The following ACLY variants were observed in gnomAD, a reference collection of about 807,000 sequenced individuals.
ACLY encodes ATP-citrate synthase.
In ACLY, 41 loss-of-function variants were observed where a neutral mutation model predicts 133.0. The observed-to-expected ratio is 0.31, with a 90% CI of 0.24 to 0.40. The LOEUF (loss-of-function observed/expected upper bound fraction) is 0.40. Ranked by LOEUF, ACLY falls within the 10% of genes least tolerant of loss-of-function variation. The probability of loss-of-function intolerance (pLI) is 1.00; values close to 1 mark genes in which losing one functional copy is unlikely to be tolerated. For missense variants in ACLY, 1,046 were observed against 1,453.8 expected (o/e 0.72, Z 4.56); for synonymous variants, 495 against 549.3 (o/e 0.90, Z 1.38).
In ACLY at chr17:41,905,617, T is replaced by G. The variant is rs1598029584; in HGVS notation, c.908A>C (p.Asn303Thr). ...GGGGGCGCCTGAGTACTCCCCATAG[T>G]TTGCCAGCTCGTTGACACCCCCTAG... ...CDLGGVNELANYGEYSGAPSE... is the reference protein window; with the variant it reads ...CDLGGVNELATYGEYSGAPSE... Residue 303 changes from asparagine to threonine, a missense_variant, in exon 9 of 29, where the codon AAC (asparagine) becomes ACC (threonine). By Grantham distance (65) the Asn-to-Thr change is moderately conservative. Around this residue, in one of 4 missense-constraint regions of ACLY, gnomAD observed 575 missense variants for 804.2 expected, o/e 0.71. Transcript: ENST00000352035. 9.9e-6 allele frequency: 16 copies of G among 1,614,068 alleles called. No homozygotes were observed. In the East Asian group the frequency reaches 3.6e-4, roughly 36 times the overall value.
intron 17 of ACLY, among the ~76,000 whole-genome samples, chr17:41,886,810 A>C (rs2049058289): frequency 6.6e-6 from 1 of 152,078 alleles, no homozygotes; most frequent in Non-Finnish European, 1.5e-5. Context: ...TTCTTAAAAA[A>C]ACAAACAAAA....
intron 12 of ACLY, 38 bp from the exon 13 acceptor site, chr17:41,897,877 T>A (rs879960705): frequency 5.7e-6 from 9 of 1,573,662 alleles, no homozygotes; most frequent in Non-Finnish European, 7.8e-6. Context: ...GAGGTAAGAG[T>A]CACACCTGGG....
At chr17:41,896,778 C>A in intron 13 of ACLY, 129 bp from the exon 14 acceptor site, 1 of 731,746 alleles carries the variant, frequency 1.4e-6, no homozygotes, top group South Asian at 2.7e-5. Context: ...TCATCCCTCT[C>A]CTGTTCTGCA....
upstream of ACLY, among the ~76,000 whole-genome samples, chr17:41,920,590 C>CA (rs57800581): frequency 0.02 from 1,457 of 73,774 alleles, 15 homozygotes; most frequent in African/African-American, 0.037. Flanking sequence ...GATTCTATCT[C>CA]AAAAAAAAAA....
rs782062511 is a variant in ACLY, at chr17:41,909,071, A to G, written c.537-3T>C. On this transcript the variant is annotated splice_region_variant and splice_polypyrimidine_tract_variant and intron_variant, in intron 5 of 28. Coordinates refer to ENST00000352035, the MANE Select transcript of ACLY (RefSeq NM_001096.3). ...CGGAGATAAAACTGGCCAGAATTCT[A>G]GAGGTGGGAGGGAGAGAGGGACAGT... 6.2e-7 allele frequency: 1 copy of G among 1,609,996 alleles called. No homozygotes were observed. The highest frequency in any genetic ancestry group is 8.5e-7 in the Non-Finnish European group (1 of 1,178,304).
Position 41,883,040 on chromosome 17 carries a change from T to C in ACLY, c.2265+82A>G, listed in dbSNP as rs2048961148. The C allele has an allele frequency of 3.4e-5, 40 of 1,164,806 alleles. No individual in the cohort carries two copies. In the South Asian group the frequency reaches 5.4e-4, roughly 16 times the overall value. 72.2% of individuals were successfully genotyped at this position (1,164,806 alleles called of 1,614,324 possible). ...CTTGAAGGAACTAGCTGCGAATTAA[T>C]AAGATGATTACCTGGTTCGCCTCAA... On this transcript the variant is annotated intron_variant, in intron 20 of 28. Coordinates refer to ENST00000352035, the MANE Select transcript of ACLY (RefSeq NM_001096.3).
At position 41,912,523 on chromosome 17, in the gene ACLY, T is replaced by C; in HGVS notation, c.179A>G (p.Asp60Gly). Residue 60 changes from aspartate to glycine, a missense_variant, in exon 3 of 29, where the codon GAC (aspartate) becomes GGC (glycine). By Grantham distance (94) the Asp-to-Gly change is moderately conservative. Coordinates refer to ENST00000352035, the MANE Select transcript of ACLY (RefSeq NM_001096.3). ...TTTTCCACGACGTTTGATCAGCTGG[T>C]CTGGCTTGACTACCAAGTTCTGGAA... is the stretch of plus-strand genomic sequence containing the variant. ...LLSQNLVVKP[D>G]QLIKRRGKLG... 6.2e-7 allele frequency: 1 copy of C among 1,614,204 alleles called. No homozygotes were observed. Among genetic ancestry groups the C allele is most frequent in the Non-Finnish European group, 8.5e-7 (1 of 1,180,018 alleles).
chr17:41,894,216 CA>C (rs58375126), intron 14 of ACLY, among the ~76,000 whole-genome samples: 87,136 of 102,698 alleles, frequency 0.85, 36,812 homozygotes, highest in East Asian at 0.98. Flanking sequence ...GACTCCATCT[CA>C]AAAAAAAAAA....
chr17:41,883,828 A>C (rs2048983592), intron 19 of ACLY, among the ~76,000 whole-genome samples: 1 of 151,962 alleles, frequency 6.6e-6, no homozygotes, highest in African/African-American at 2.4e-5. Context: ...CAAGTGACCC[A>C]GTTGCCTCAG....
intron 26 of ACLY, 81 bp downstream of exon 26, chr17:41,869,393 T>C: frequency 4.2e-6 from 5 of 1,196,902 alleles, no homozygotes; most frequent in Non-Finnish European, 6.1e-6. Context: ...TTTAGCTGCA[T>C]AATCAAAATG....
chr17:41,880,833 TC>T (rs1479520581), intron 20 of ACLY, among the ~76,000 whole-genome samples: 1 of 149,430 alleles, frequency 6.7e-6, no homozygotes, highest in Non-Finnish European at 1.5e-5. Flanking sequence ...ACCACTGCAC[TC>T]CAGCCTGGGC....
rs1555624651 is a variant in ACLY at position 41,869,541 on chromosome 17, C to T, written c.2984G>A (p.Arg995Lys). 1 of 1,614,150 alleles carries T rather than the reference C, an allele frequency of 6.2e-7. No individual in the cohort carries two copies. The highest frequency in any genetic ancestry group is 1.1e-5 in the South Asian group (1 of 91,082). ...MRVQILKDYV[R>K]QHFPATPLLD... ...CAGAGGAGTGGCAGGGAAGTGCTGC[C>T]TGACGTAATCTTTGAGGATCTGCAC... Residue 995 changes from arginine (R) to lysine (K), a missense_variant, in exon 26 of 29, where the codon AGG becomes AAG. Arg to Lys is a conservative substitution (Grantham distance 26, BLOSUM62 2). This residue lies in a region of ACLY where 205 missense variants were observed against 373.3 expected (regional missense o/e 0.55). Transcript: ENST00000352035.
intron 16 of ACLY, among the ~76,000 whole-genome samples, chr17:41,890,383 T>C (rs1406119995): frequency 1.6e-4 from 24 of 148,298 alleles, no homozygotes; most frequent in African/African-American, 6.0e-4. Context: ...GCTGACCGAT[T>C]GAAAAAAAAA....
chr17:41,892,151 G>T, intron 16 of ACLY, 128 bp downstream of exon 16: 2 of 896,502 alleles, frequency 2.2e-6, no homozygotes, highest in Non-Finnish European at 3.3e-6. Flanking sequence ...TTTGTCCCAG[G>T]CAGCAGTGAC....
chr17:41,910,380 C>A (rs2049867012), intron 3 of ACLY, 96 bp from the exon 4 acceptor site: 1 of 992,562 alleles, frequency 1.0e-6, no homozygotes, highest in Non-Finnish European at 1.6e-6. Flanking sequence ...CCCAAGCACT[C>A]CCACCACCAC....
rs146426493 is a variant in ACLY, at chr17:41,885,380, C to T, written c.2072+732G>A. ...AAATCATGTGGTAGAGCCAGGGAGA[C>T]GAACAAGGTGACTCTATCTCAACAG... On this transcript the variant is annotated intron_variant, in intron 18 of 28. Coordinates refer to ENST00000352035, the MANE Select transcript of ACLY (RefSeq NM_001096.3). 3.9e-4 allele frequency among the ~76,000 whole-genome samples: 59 copies of T among 152,222 alleles called. 1 individual carries two copies. The East Asian group carries it at 0.011, about 27-fold the overall frequency.
chr17:41,914,787 T>C (rs1555634250), intron 1 of ACLY, among the ~76,000 whole-genome samples: 2 of 152,052 alleles, frequency 1.3e-5, no homozygotes, highest in African/African-American at 4.8e-5. Flanking sequence ...CCATCACATG[T>C]ATAGGAAAAC....
In ACLY at chr17:41,893,124, T is replaced by G; in HGVS notation, c.1510A>C (p.Met504Leu). The stretch of plus-strand genomic sequence containing the variant: ...ATGCCTTGCACGGCCCGGGTCTGCA[T>G]GCCCCACACAATGGCCTTGGTGTGG... ...SRHTKAIVWG[M>L]QTRAVQGMLD... The change falls in exon 15 of 29, where the codon ATG becomes CTG. Residue 504 changes from methionine to leucine, a missense_variant. Met to Leu is a conservative substitution (Grantham distance 15, BLOSUM62 2). This residue lies in a region of ACLY where 575 missense variants were observed against 804.2 expected (regional missense o/e 0.71). Coordinates refer to ENST00000352035, the MANE Select transcript of ACLY (RefSeq NM_001096.3). 1 of 1,614,118 alleles carries G rather than the reference T, an allele frequency of 6.2e-7. No individual in the cohort carries two copies. Among genetic ancestry groups the G allele is most frequent in the Non-Finnish European group, 8.5e-7 (1 of 1,180,000 alleles).
chr17:41,893,693 T>C (rs546480106), intron 14 of ACLY, among the ~76,000 whole-genome samples: 2 of 152,316 alleles, frequency 1.3e-5, no homozygotes, highest in East Asian at 3.9e-4. Context: ...TAGGTCAGTG[T>C]AGGTCCAAAG....
Sources: allele counts gnomAD v4.1 joint callset (sites outside exome capture counted in the v4.1 genomes callset), GRCh38; gene constraint gnomAD v4.1.1; regional missense constraint gnomAD v4.1.1; transcripts MANE v1.5; gene names NCBI Gene and HGNC (gene_info 2026-07-23, HGNC 2026-07-21).